ELFN1: variants seen among roughly 807,000 people sequenced by gnomAD.
ELFN1 encodes extracellular leucine rich repeat and fibronectin type III domain containing 1.
In ELFN1, 6 loss-of-function variants were observed where a neutral mutation model predicts 7.6. That is an observed-to-expected ratio of 0.79 (90% CI 0.43 to 1.56). The LOEUF is 1.56. ELFN1 is among the 40% of genes most tolerant of loss of function. The pLI is 0.01. For missense variants in ELFN1, 1,169 were observed against 1,232.2 expected, an observed-to-expected ratio of 0.95 and a Z score of 0.77; for synonymous variants, 657 against 588.1, an observed-to-expected ratio of 1.12 and a Z score of -1.70.
intron 1 of ELFN1, among the ~76,000 whole-genome samples, chr7:1,677,506 C>T (rs996836432): frequency 6.6e-6 from 1 of 152,056 alleles, no homozygotes; most frequent in Non-Finnish European, 1.5e-5. Flanking sequence ...GAACAGAGGA[C>T]TGTGCAGGGG....
chr7:1,693,877 T>C, intron 2 of ELFN1: 1 of 432,680 alleles, frequency 2.3e-6, no homozygotes, highest in Middle Eastern at 4.9e-4. Flanking sequence ...GTGAGAGTGC[T>C]TCCTCCTCCC....
chr7:1,684,928 G>T (rs1779038362), intron 1 of ELFN1, among the ~76,000 whole-genome samples: 1 of 152,138 alleles, frequency 6.6e-6, no homozygotes, highest in Non-Finnish European at 1.5e-5. Flanking sequence ...ATTCGTCTAT[G>T]TATTTACCAT....
Position 1,745,150 on chromosome 7 carries a change from G to T in ELFN1, c.554G>T (p.Cys185Phe). Residue 185 changes from cysteine (C) to phenylalanine (F), a missense_variant, in exon 4 of 4, where the codon TGC becomes TTC. Coordinates refer to ENST00000424383, the MANE Select transcript of ELFN1 (RefSeq NM_001128636.4). ...GCCGGCCTGGCCAAGCTGTCGGTGTGCGAGCTCTACAGCAACCCCTTCTAC... is the reference window on the plus strand; with the variant it reads ...GCCGGCCTGGCCAAGCTGTCGGTGTTCGAGCTCTACAGCAACCCCTTCTAC... ...TFAGLAKLSV[C>F]ELYSNPFYCS... 1 of 1,550,190 alleles carries T rather than the reference G, an allele frequency of 6.5e-7. No individual in the cohort carries two copies. Among genetic ancestry groups the T allele is most frequent in the Non-Finnish European group, 8.7e-7 (1 of 1,146,992 alleles).
rs756084251 is a variant in ELFN1, at chr7:1,747,001, A to G, written c.2405A>G (p.Lys802Arg). The G allele has an allele frequency of 5.0e-5, 79 of 1,565,862 alleles. No individual in the cohort carries two copies. The highest frequency in any genetic ancestry group is 6.3e-5 in the Non-Finnish European group (73 of 1,156,386). Residue 802 changes from lysine to arginine, a missense_variant, in exon 4 of 4, where the codon AAG becomes AGG. Lys to Arg is a conservative substitution (Grantham distance 26). Coordinates refer to ENST00000424383, the MANE Select transcript of ELFN1 (RefSeq NM_001128636.4). ...EFMAAGHALR[K>R]KVQFAKDEDL... ...ATGGCCGCGGGCCATGCCCTGCGCA[A>G]GAAGGTTCAGTTCGCCAAAGACGAG...
chr7:1,702,130 A>C, intron 2 of ELFN1, among the ~76,000 whole-genome samples: 1 of 152,128 alleles, frequency 6.6e-6, no homozygotes, highest in Non-Finnish European at 1.5e-5. Flanking sequence ...CTGATGGAAG[A>C]AGAGCCATCC....
chr7:1,747,032 G>C lies in ELFN1; in HGVS notation c.2436G>C (p.Leu812=). ...KKVQFAKDED[L]HDILDYWKGV... is the part of the protein sequence containing the mutation. ...TTCAGTTCGCCAAAGACGAGGATCT[G>C]CACGACATCCTGGACTACTGGAAGG... Residue 812 remains leucine, a synonymous_variant, in exon 4 of 4, where the codon CTG becomes CTC. Coordinates refer to ENST00000424383, the MANE Select transcript of ELFN1 (RefSeq NM_001128636.4). The C allele has an allele frequency of 6.4e-7, 1 of 1,552,866 alleles. No individual in the cohort carries two copies. Among genetic ancestry groups the C allele is most frequent in the South Asian group, 1.2e-5 (1 of 82,964 alleles).
chr7:1,680,692 C>A (rs1778958512), intron 1 of ELFN1, among the ~76,000 whole-genome samples: 5 of 151,876 alleles, frequency 3.3e-5, no homozygotes, highest in African/African-American at 1.2e-4. Flanking sequence ...CACCCCCTAC[C>A]CCACCCCCAG....
intron 1 of ELFN1, among the ~76,000 whole-genome samples, chr7:1,676,991 G>A (rs1024437147): frequency 7.2e-5 from 11 of 152,324 alleles, no homozygotes; most frequent in South Asian, 4.1e-4. Context: ...GACTGCCGAC[G>A]TCTGAAAGCC....
intron 3 of ELFN1, among the ~76,000 whole-genome samples, chr7:1,711,871 G>T (rs1323345239): frequency 6.6e-6 from 1 of 152,198 alleles, no homozygotes; most frequent in Non-Finnish European, 1.5e-5. Context: ...GGAGGGGGCG[G>T]CAGCTCGGAC....
chr7:1,728,879 AT>A (rs1032054836), intron 3 of ELFN1, among the ~76,000 whole-genome samples: 2 of 152,250 alleles, frequency 1.3e-5, no homozygotes, highest in African/African-American at 4.8e-5. Context: ...ACACCATCGC[AT>A]CTCACTGTCG....
intron 2 of ELFN1, among the ~76,000 whole-genome samples, chr7:1,690,724 G>A (rs988350801): frequency 6.7e-6 from 1 of 150,020 alleles, no homozygotes; most frequent in African/African-American, 2.5e-5. Flanking sequence ...TGGATGGATG[G>A]GCGGGTGTGT....
chr7:1,724,063 C>T (rs1429811192), intron 3 of ELFN1, among the ~76,000 whole-genome samples: 1 of 152,200 alleles, frequency 6.6e-6, no homozygotes, highest in African/African-American at 2.4e-5. Context: ...CACTTAGTTG[C>T]CGTGGGAACT....
In ELFN1 at chr7:1,747,353, T is replaced by G; in HGVS notation, c.*270T>G. On this transcript the variant is annotated 3_prime_UTR_variant, in exon 4 of 4. Transcript: ENST00000424383. ...ACACACACGAGGGACTTCGGAAAAC[T>G]GTGTCTTAGGGATGGGGGGTGGGGG... 1 of 220,030 alleles carries G rather than the reference T, an allele frequency of 4.5e-6. No homozygotes were observed. The highest frequency in any genetic ancestry group is 9.1e-5 in the East Asian group (1 of 10,962). 13.6% of individuals were successfully genotyped at this position (220,030 alleles called of 1,614,324 possible).
At chr7:1,689,934 GC>G (rs1779125906) in intron 2 of ELFN1, among the ~76,000 whole-genome samples, 1 of 152,214 alleles carries the variant, frequency 6.6e-6, no homozygotes, top group African/African-American at 2.4e-5. Flanking sequence ...AACCCCTTGA[GC>G]CCTCTGGACA....
At chr7:1,738,399 A>C (rs1209284378) in intron 3 of ELFN1, among the ~76,000 whole-genome samples, 3 of 152,156 alleles carry the variant, frequency 2.0e-5, no homozygotes, top group Non-Finnish European at 4.4e-5. Context: ...GGCATGTCAT[A>C]TCTTTCCTGA....
intron 1 of ELFN1, among the ~76,000 whole-genome samples, chr7:1,682,475 C>G (rs1157330116): frequency 1.3e-5 from 2 of 151,996 alleles, no homozygotes; most frequent in Non-Finnish European, 2.9e-5. Context: ...GGGTCTTACT[C>G]TGTTTCCCAG....
In ELFN1 at chr7:1,745,424, G is replaced by T; in HGVS notation, c.828G>T (p.Pro276=). The change falls in exon 4 of 4, where the codon CCG becomes CCT. Residue 276 remains proline, a synonymous_variant. Transcript: ENST00000424383. ...ASGRSQPGRS[P]PPPPPPEPSD... is the part of the protein sequence containing the mutation. ...GGCGCTCACAGCCGGGCCGCTCCCC[G>T]CCGCCCCCGCCTCCGCCGGAGCCCA... 2 of 1,539,118 alleles carry T rather than the reference G, an allele frequency of 1.3e-6. No individual in the cohort carries two copies. Among genetic ancestry groups the T allele is most frequent in the South Asian group, 1.2e-5 (1 of 83,964 alleles).
In ELFN1 at chr7:1,739,211, G is replaced by T. The variant is rs1251241434; in HGVS notation, c.-293-5093G>T. ...AGCGAGGCTCCCTCTGGCTGTGGAG[G>T]GAGAATGGATTGTGGGTGCCAGGAG... On this transcript the variant is annotated intron_variant, in intron 3 of 3. Transcript: ENST00000424383. This position sits in a 1 kb window ranked among gnomAD's most constrained non-coding sequence, Gnocchi z 4.6. 6.6e-6 allele frequency: 1 copy of T among 152,380 alleles called. No homozygotes were observed. The highest frequency in any genetic ancestry group is 1.9e-4 in the East Asian group (1 of 5,170). The allele number at this position is 152,380 out of a possible 1,614,324, so 9.4% of individuals were successfully genotyped here.
At chr7:1,741,856 G>C (rs1303801971) in intron 3 of ELFN1, among the ~76,000 whole-genome samples, 2 of 151,834 alleles carry the variant, frequency 1.3e-5, no homozygotes, top group African/African-American at 4.8e-5. Context: ...TCGCTGCCCA[G>C]ACAGGGGGTC....
Sources: gnomAD v4.1 joint callset for allele counts (sites outside exome capture counted in the v4.1 genomes callset) on GRCh38, gnomAD v4.1.1 for gene constraint, Gnocchi (gnomAD v3.1) non-coding constraint, MANE v1.5 for transcripts, NCBI Gene and HGNC (gene_info 2026-07-23, HGNC 2026-07-21) for gene names.